The following GLT8D2 variants were observed in gnomAD, a reference collection of about 807,000 sequenced individuals.
GLT8D2 encodes the protein glycosyltransferase 8 domain containing 2.
A neutral mutation model predicts 44.5 loss-of-function variants in GLT8D2; 45 were observed. That is an observed-to-expected ratio of 1.01 (90% CI 0.80 to 1.30). The LOEUF (loss-of-function observed/expected upper bound fraction) is 1.30, where lower values mean the gene tolerates loss of function less well. Ranked by LOEUF, GLT8D2 falls within the 50% of genes most tolerant of loss-of-function variation. The probability of loss-of-function intolerance (pLI) is 0.00; values close to 1 mark genes in which losing one functional copy is unlikely to be tolerated. For missense variants in GLT8D2, 400 were observed against 430.4 expected (o/e 0.93, Z 0.62); for synonymous variants, 156 against 157.2 (o/e 0.99, Z 0.06).
At chr12:104,058,162 T>G (rs570785112) in intron 1 of GLT8D2, among the ~76,000 whole-genome samples, 33 of 152,316 alleles carry the variant, frequency 2.2e-4, no homozygotes, top group African/African-American at 7.9e-4. Flanking sequence ...TGCTGATGCT[T>G]CTAGTGGTTG....
At chr12:104,024,160 C>A (rs542808191) in intron 1 of GLT8D2, among the ~76,000 whole-genome samples, 3 of 152,088 alleles carry the variant, frequency 2.0e-5, no homozygotes, top group Admixed American at 1.3e-4. Flanking sequence ...GATGGGAGGA[C>A]CACTTGAGCT....
At chr12:104,038,938 A>G (rs889591827) in intron 1 of GLT8D2, among the ~76,000 whole-genome samples, 1 of 152,244 alleles carries the variant, frequency 6.6e-6, no homozygotes, top group Non-Finnish European at 1.5e-5. Flanking sequence ...TACTGATGCC[A>G]AAACAGAGAT....
At chr12:104,024,191 T>C (rs1476077332) in intron 1 of GLT8D2, among the ~76,000 whole-genome samples, 1 of 152,054 alleles carries the variant, frequency 6.6e-6, no homozygotes, top group African/African-American at 2.4e-5. Context: ...AGACCAGCCC[T>C]GGCAACATAG....
At chr12:103,990,715 G>A (rs143568414) in intron 10 of GLT8D2, among the ~76,000 whole-genome samples, 138 of 152,308 alleles carry the variant, frequency 9.1e-4, no homozygotes, top group Middle Eastern at 6.8e-3. Context: ...CTGCAGAAGA[G>A]AAACTAGTTG....
chr12:104,041,826 T>C (rs7960212), intron 1 of GLT8D2, among the ~76,000 whole-genome samples: 5,605 of 152,274 alleles, frequency 0.037, 183 homozygotes, highest in South Asian at 0.084. Flanking sequence ...GATGCCTTGG[T>C]AGATGTAAGC....
Position 104,062,398 on chromosome 12 carries a change from G to C in GLT8D2, c.-423+1551C>G, listed in dbSNP as rs1432538583. 2.0e-5 allele frequency among the ~76,000 whole-genome samples: 3 copies of C among 151,880 alleles called. No homozygotes were observed. The East Asian group carries it at 5.9e-4, about 30-fold the overall frequency. ...TGAGAATTCCTTTTTAAAACATAGA[G>C]AGTTATCTCTCAAAAAAAGCTTAGA... On this transcript the variant is annotated intron_variant, in intron 1 of 10. Coordinates refer to the GLT8D2 transcript ENST00000548660.
At chr12:103,994,918 T>C (rs1243509323) in intron 8 of GLT8D2, among the ~76,000 whole-genome samples, 1 of 152,170 alleles carries the variant, frequency 6.6e-6, no homozygotes, top group Non-Finnish European at 1.5e-5. Flanking sequence ...CCTGCTTCCC[T>C]GCACCTGCCC....
At chr12:104,007,024 C>T (rs1036218954) in intron 4 of GLT8D2, among the ~76,000 whole-genome samples, 3 of 152,112 alleles carry the variant, frequency 2.0e-5, no homozygotes, top group Non-Finnish European at 2.9e-5. Flanking sequence ...ACGTTGACAG[C>T]AAGAGGAAGG....
intron 1 of GLT8D2, among the ~76,000 whole-genome samples, chr12:104,021,948 GAAGAAGA>G (rs1566202529): frequency 1.0e-4 from 2 of 19,618 alleles, no homozygotes; most frequent in Non-Finnish European, 2.0e-4. Flanking sequence ...AGAAGAAGAA[GAAGAAGA>G]GGAAGAAGAG....
At chr12:104,040,515 A>G (rs753419278) in intron 1 of GLT8D2, among the ~76,000 whole-genome samples, 15 of 150,310 alleles carry the variant, frequency 1.0e-4, no homozygotes, top group Non-Finnish European at 1.8e-4. Flanking sequence ...AACCTCTGGC[A>G]CCCGGGTTTA....
upstream of GLT8D2, among the ~76,000 whole-genome samples, chr12:104,053,261 G>A (rs1013579155): frequency 6.6e-5 from 10 of 152,176 alleles, no homozygotes; most frequent in East Asian, 1.7e-3. Context: ...GACCCCCACT[G>A]TCTGATTCCA....
chr12:103,997,632 T>G, intron 6 of GLT8D2, 97 bp from the exon 7 acceptor site: 1 of 824,066 alleles, frequency 1.2e-6, no homozygotes, highest in Non-Finnish European at 2.1e-6. Flanking sequence ...TGGCCTCAGC[T>G]CAGCTCCAGG....
chr12:103,999,054 A>T (rs1175230105), intron 6 of GLT8D2, among the ~76,000 whole-genome samples: 1 of 152,192 alleles, frequency 6.6e-6, no homozygotes, highest in Non-Finnish European at 1.5e-5. Flanking sequence ...ATCACAGTTA[A>T]ATATCCCAAC....
rs1872398112 is a variant in GLT8D2, at chr12:103,989,206, T to C, written c.*202A>G. ...ATGTTTTTCAGTCACATAATCTTGA[T>C]TTCCATAGTTATCACATGTACTTAA... On this transcript the variant is annotated 3_prime_UTR_variant, in exon 11 of 11. Transcript: ENST00000360814. The C allele has an allele frequency of 2.5e-6, 1 of 404,910 alleles. No individual in the cohort carries two copies. The highest frequency in any genetic ancestry group is 4.1e-5 in the Admixed American group (1 of 24,644). 25.1% of individuals were successfully genotyped at this position (404,910 alleles called of 1,614,324 possible).
intron 1 of GLT8D2, among the ~76,000 whole-genome samples, chr12:104,045,937 A>AAGAAAGAAGG (rs68019401): frequency 1.8e-5 from 2 of 113,566 alleles, no homozygotes; most frequent in South Asian, 3.2e-4. Context: ...GAAAGAAAGA[A>AAGAAAGAAGG]AAAGAAAGAA....
chr12:104,013,498 A>G (rs1376560567), intron 4 of GLT8D2, among the ~76,000 whole-genome samples: 1 of 152,228 alleles, frequency 6.6e-6, no homozygotes, highest in Non-Finnish European at 1.5e-5. Context: ...ACTATGAATT[A>G]TACCCTAAGA....
chr12:104,051,678 T>C (rs7978849), upstream of GLT8D2, among the ~76,000 whole-genome samples: 5,527 of 152,186 alleles, frequency 0.036, 341 homozygotes, highest in African/African-American at 0.13. Context: ...CTATTCCTCC[T>C]ATCTAGCTAT....
intron 1 of GLT8D2, chr12:104,031,511 G>A: frequency 2.5e-6 from 4 of 1,612,894 alleles, no homozygotes; most frequent in Non-Finnish European, 3.4e-6. Flanking sequence ...AGCCATGGAA[G>A]CTGTGGCTGC....
At chr12:104,044,184 C>T (rs901157677) in intron 1 of GLT8D2, among the ~76,000 whole-genome samples, 14 of 152,168 alleles carry the variant, frequency 9.2e-5, no homozygotes, top group African/African-American at 3.1e-4. Flanking sequence ...TTCCTGCTGC[C>T]TGGAATCCTC....
Sources: allele counts gnomAD v4.1 joint callset (sites outside exome capture counted in the v4.1 genomes callset), GRCh38; gene constraint gnomAD v4.1.1; transcripts MANE v1.5; gene names NCBI Gene and HGNC (gene_info 2026-07-23, HGNC 2026-07-21).